SLC15A5: variants seen among roughly 807,000 people sequenced by gnomAD.
The protein encoded by SLC15A5 is solute carrier family 15 member 5.
In SLC15A5, 58 loss-of-function variants were observed where a neutral mutation model predicts 56.1. The ratio of observed to expected loss-of-function variants is 1.03; its 90% CI spans 0.84 to 1.29. The LOEUF is 1.29. Ranked by LOEUF, SLC15A5 falls within the 50% of genes most tolerant of loss-of-function variation. SLC15A5 has a pLI of 0.00. For synonymous variants in SLC15A5, 264 were observed against 250.5 expected (o/e 1.05, Z -0.51); for missense variants, 681 against 672.1 (o/e 1.01, Z -0.15).
chr12:16,232,027 T>C (rs2136253409), intron 5 of SLC15A5, among the ~76,000 whole-genome samples: 1 of 152,368 alleles, frequency 6.6e-6, no homozygotes, highest in South Asian at 2.1e-4. Flanking sequence ...CATATCATCC[T>C]GAGTAATACT....
In SLC15A5 at chr12:16,272,609, A is replaced by G. The variant is rs1864771780; in HGVS notation, c.536T>C (p.Phe179Ser). 3 of 1,536,960 alleles carry G rather than the reference A, an allele frequency of 2.0e-6. No individual in the cohort carries two copies. The highest frequency in any genetic ancestry group is 2.6e-6 in the Non-Finnish European group (3 of 1,146,664). ...VRAIVCPLGAFGLQEYGSQKT... is the reference protein window; with the variant it reads ...VRAIVCPLGASGLQEYGSQKT... ...TTGTGATCCATACTCCTGAAGGCCA[A>G]AAGCACCCAGTGGACAGACGATGGC... The change falls in exon 2 of 9, where the codon TTT (phenylalanine) becomes TCT (serine). Residue 179 changes from phenylalanine to serine, a missense_variant. Coordinates refer to ENST00000344941, the MANE Select transcript of SLC15A5 (RefSeq NM_001170798.1).
Position 16,189,719 on chromosome 12 carries a change from G to A in SLC15A5, c.1689C>T (p.Gly563=). 3 of 1,530,382 alleles carry A rather than the reference G, an allele frequency of 2.0e-6. No homozygotes were observed. Among genetic ancestry groups the A allele is most frequent in the Non-Finnish European group, 1.7e-6 (2 of 1,143,490 alleles). The allele number at this position is 1,530,382 out of a possible 1,614,324, so 94.8% of individuals were successfully genotyped here. The part of the protein sequence containing the change: ...LLHEKSLKFY[G]SIQEFSSSID... Reference sequence around the variant, plus strand: ...TACTTGAAGAAAATTCCTGTATACTGCCATAAAATTTCAGAGATTTTTCGT... The same window carrying A: ...TACTTGAAGAAAATTCCTGTATACTACCATAAAATTTCAGAGATTTTTCGT... Residue 563 remains glycine (G), a synonymous_variant, in exon 9 of 9, where the codon GGC becomes GGT. Transcript: ENST00000344941.
chr12:16,247,775 A>G lies in SLC15A5; in HGVS notation c.755-2975T>C, dbSNP rs201237268. ...AGGAGGTTGTCAGGGGGGTCAGATCATATAGCTCAAAGTAAGGAACTTGAC... is the reference window on the plus strand; with the variant it reads ...AGGAGGTTGTCAGGGGGGTCAGATCGTATAGCTCAAAGTAAGGAACTTGAC... On this transcript the variant is annotated intron_variant, in intron 3 of 8. Coordinates refer to ENST00000344941, the MANE Select transcript of SLC15A5 (RefSeq NM_001170798.1). Among the ~76,000 whole-genome samples the G allele has an allele frequency of 5.3e-5, 8 of 152,142 alleles. No homozygotes were observed. In the East Asian group the frequency reaches 9.6e-4, roughly 18 times the overall value.
chr12:16,272,594 T>C lies in SLC15A5; in HGVS notation c.551A>G (p.Tyr184Cys), dbSNP rs746420982. ...AAAAGACATCGTTTTTTGTGATCCA[T>C]ACTCCTGAAGGCCAAAAGCACCCAG... Reference protein sequence around the residue: ...CPLGAFGLQEYGSQKTMSFFN... With the variant: ...CPLGAFGLQECGSQKTMSFFN... The change falls in exon 2 of 9, where the codon TAT (tyrosine) becomes TGT (cysteine). Residue 184 changes from tyrosine (Y) to cysteine (C), a missense_variant. Coordinates refer to ENST00000344941, the MANE Select transcript of SLC15A5 (RefSeq NM_001170798.1). 7.8e-6 allele frequency: 12 copies of C among 1,536,784 alleles called. No individual in the cohort carries two copies. Among genetic ancestry groups the C allele is most frequent in the East Asian group, 2.4e-5 (1 of 40,918 alleles).
chr12:16,234,060 C>G (rs1485551355), intron 5 of SLC15A5, among the ~76,000 whole-genome samples: 1 of 152,148 alleles, frequency 6.6e-6, no homozygotes, highest in Non-Finnish European at 1.5e-5. Flanking sequence ...TCTCACAGTT[C>G]TAAAAGCTGG....
intron 2 of SLC15A5, among the ~76,000 whole-genome samples, chr12:16,262,773 G>T (rs145369236): frequency 6.6e-6 from 1 of 152,144 alleles, no homozygotes; most frequent in African/African-American, 2.4e-5. Flanking sequence ...TGATGCTCTC[G>T]TGATAGCGAA....
intron 2 of SLC15A5, among the ~76,000 whole-genome samples, chr12:16,262,360 C>T (rs976526432): frequency 1.3e-5 from 2 of 152,150 alleles, no homozygotes; most frequent in African/African-American, 4.8e-5. Flanking sequence ...CAATCATTAA[C>T]TGTAAATGTT....
intron 4 of SLC15A5, 73 bp from the exon 5 acceptor site, chr12:16,239,940 G>A (rs1379759234): frequency 1.5e-6 from 2 of 1,350,696 alleles, no homozygotes; most frequent in East Asian, 2.5e-5. Context: ...TCCACCAGAG[G>A]CCTACCCTCT....
At chr12:16,215,945 T>A (rs748961222) in intron 7 of SLC15A5, among the ~76,000 whole-genome samples, 4 of 152,168 alleles carry the variant, frequency 2.6e-5, no homozygotes, top group Non-Finnish European at 5.9e-5. Flanking sequence ...TGGAATAGAA[T>A]GGGTCCTTGA....
chr12:16,234,585 G>T (rs942599085), intron 5 of SLC15A5, among the ~76,000 whole-genome samples: 1 of 152,058 alleles, frequency 6.6e-6, no homozygotes, highest in African/African-American at 2.4e-5. Flanking sequence ...TAGCAGATCT[G>T]TACTTACAAG....
intron 5 of SLC15A5, among the ~76,000 whole-genome samples, chr12:16,226,845 C>T (rs868119847): frequency 6.6e-6 from 1 of 152,120 alleles, no homozygotes. Flanking sequence ...TGGACTTAAT[C>T]CTTTCGTTAG....
At chr12:16,236,022 A>G (rs936782307) in intron 5 of SLC15A5, among the ~76,000 whole-genome samples, 1 of 152,176 alleles carries the variant, frequency 6.6e-6, no homozygotes, top group Non-Finnish European at 1.5e-5. Flanking sequence ...TTTCATCTAC[A>G]TTTAAATTTA....
At chr12:16,230,770 A>G (rs1027417290) in intron 5 of SLC15A5, among the ~76,000 whole-genome samples, 2 of 151,268 alleles carry the variant, frequency 1.3e-5, no homozygotes, top group African/African-American at 4.9e-5. Context: ...AAAAAAAAAA[A>G]AAAATAGCCG....
intron 5 of SLC15A5, 124 bp from the exon 6 acceptor site, chr12:16,224,726 T>A (rs1012485752): frequency 3.1e-6 from 3 of 970,584 alleles, no homozygotes; most frequent in Middle Eastern, 3.3e-4. Context: ...GTTTTTATTT[T>A]TTTTTAATTT....
rs1240198455 is a variant in SLC15A5 at position 16,277,536 on chromosome 12, C to T, written c.150G>A (p.Glu50=). 2 of 1,536,404 alleles carry T rather than the reference C, an allele frequency of 1.3e-6. No individual in the cohort carries two copies. The highest frequency in any genetic ancestry group is 1.7e-6 in the Non-Finnish European group (2 of 1,146,406). ...CAAAGAACGTGAACCTCTCACACAG[C>T]TCCACCAGAAGCAAGCAGATTCCAA... ...IQVGICLLLV[E]LCERFTFFEV... The change falls in exon 1 of 9, where the codon GAG becomes GAA. Residue 50 remains glutamate, a synonymous_variant. Coordinates refer to ENST00000344941, the MANE Select transcript of SLC15A5 (RefSeq NM_001170798.1).
chr12:16,259,140 T>G (rs989252388), intron 2 of SLC15A5, among the ~76,000 whole-genome samples: 1 of 146,796 alleles, frequency 6.8e-6, no homozygotes, highest in African/African-American at 2.5e-5. Flanking sequence ...GAAGGAATCC[T>G]ACTGCCTCAG....
chr12:16,211,996 A>G (rs1864085869), intron 7 of SLC15A5, among the ~76,000 whole-genome samples: 1 of 152,194 alleles, frequency 6.6e-6, no homozygotes, highest in Non-Finnish European at 1.5e-5. Flanking sequence ...CGGGTATACT[A>G]ACACTCTCAC....
intron 3 of SLC15A5, among the ~76,000 whole-genome samples, chr12:16,257,014 CTA>C (rs1864582885): frequency 6.6e-6 from 1 of 151,802 alleles, no homozygotes; most frequent in South Asian, 2.1e-4. Flanking sequence ...TTTGAACAAA[CTA>C]TAAAACAAAA....
At chr12:16,261,447 T>C (rs530512098) in intron 2 of SLC15A5, among the ~76,000 whole-genome samples, 7 of 152,332 alleles carry the variant, frequency 4.6e-5, no homozygotes, top group Admixed American at 3.9e-4. Context: ...TACTATTCCA[T>C]TATGTAAATG....
Sources: gnomAD v4.1 joint callset for allele counts (sites outside exome capture counted in the v4.1 genomes callset) on GRCh38, gnomAD v4.1.1 for gene constraint, MANE v1.5 for transcripts, NCBI Gene and HGNC (gene_info 2026-07-23, HGNC 2026-07-21) for gene names.